Variants in MRTFA observed in about 807,000 individuals in gnomAD.
MRTFA encodes myocardin related transcription factor A.
MRTFA carries 20 observed loss-of-function variants against 83.5 expected under a neutral mutation model. That is an observed-to-expected ratio of 0.24 (90% CI 0.17 to 0.35). The LOEUF (loss-of-function observed/expected upper bound fraction) is 0.35, where lower values mean the gene tolerates loss of function less well. Ranked by LOEUF, MRTFA falls within the 10% of genes least tolerant of loss-of-function variation. The pLI, the probability that MRTFA is intolerant of heterozygous loss-of-function variation, is 1.00. For synonymous variants in MRTFA, 659 were observed against 541.2 expected (o/e 1.22, Z -3.02); for missense variants, 1,200 against 1,224.7 (o/e 0.98, Z 0.30).
At position 40,410,710 on chromosome 22, in the gene MRTFA, GGGTAACCTT is replaced by G. The variant is rs1166264017; in HGVS notation, c.*671_*679del. 1 of 233,298 alleles carries G rather than the reference GGGTAACCTT, an allele frequency of 4.3e-6. No homozygotes were observed. Among genetic ancestry groups the G allele is most frequent in the Admixed American group, 5.6e-5 (1 of 17,766 alleles). The allele number at this position is 233,298 out of a possible 1,614,324, so 14.5% of individuals were successfully genotyped here. A position where few individuals can be genotyped will look rare whatever the true frequency, so the allele number is the denominator to read the frequency against. ...CACCAGACTGTGGCACACAGCTCAA[GGGTAACCTT>G]GCATCCAGGCCCTTCTGTGAGAGTA... is the stretch of plus-strand genomic sequence containing the variant. On this transcript the variant is annotated 3_prime_UTR_variant, in exon 15 of 15. Coordinates refer to ENST00000355630, the MANE Select transcript of MRTFA (RefSeq NM_020831.6).
At chr22:40,429,989 C>A (rs12157868) in intron 6 of MRTFA, among the ~76,000 whole-genome samples, 1 of 152,082 alleles carries the variant, frequency 6.6e-6, no homozygotes, top group East Asian at 1.9e-4. Context: ...ACAATTATAA[C>A]CAGGCAGAGG....
Position 40,419,028 on chromosome 22 carries a change from G to A in MRTFA, c.1710C>T (p.Ser570=). 6.2e-7 allele frequency: 1 copy of A among 1,612,512 alleles called. No homozygotes were observed. Among genetic ancestry groups the A allele is most frequent in the Non-Finnish European group, 8.5e-7 (1 of 1,179,848 alleles). The stretch of plus-strand genomic sequence containing the variant: ...TCTCACCAAAGGTGTCCCCGGGGGT[G>A]GAGTTTTCATCGCCCGTGCTGAGCA... The change falls in exon 12 of 15, where the codon TCC becomes TCT. Residue 570 remains serine, a synonymous_variant. Transcript: ENST00000355630.
intron 14 of MRTFA, chr22:40,412,265 C>T (rs751800381): frequency 4.3e-5 from 7 of 163,860 alleles, no homozygotes; most frequent in Non-Finnish European, 7.9e-5. Flanking sequence ...ATGAGGGAGA[C>T]CACAGTGAGA....
intron 3 of MRTFA, chr22:40,526,176 T>C (rs1361635209): frequency 6.6e-6 from 1 of 150,986 alleles, no homozygotes; most frequent in Non-Finnish European, 1.5e-5. Flanking sequence ...CCATCATGCC[T>C]GGCTAATTTG....
chr22:40,565,906 G>A (rs889169868), intron 2 of MRTFA, among the ~76,000 whole-genome samples: 7 of 152,056 alleles, frequency 4.6e-5, no homozygotes, highest in South Asian at 2.1e-4. Context: ...ACACTAAGAC[G>A]TATATTTACC....
intron 2 of MRTFA, among the ~76,000 whole-genome samples, chr22:40,578,811 T>C (rs2055906387): frequency 6.6e-6 from 1 of 151,992 alleles, no homozygotes; most frequent in South Asian, 2.1e-4. Context: ...TGGTCCCAGC[T>C]ACTAGAGAGG....
chr22:40,618,773 G>A (rs995494280), intron 1 of MRTFA, among the ~76,000 whole-genome samples: 1 of 152,024 alleles, frequency 6.6e-6, no homozygotes. Flanking sequence ...AGACCAGCCT[G>A]GCTAACACAG....
chr22:40,587,338 AG>A, intron 2 of MRTFA: 1 of 433,466 alleles, frequency 2.3e-6, no homozygotes, highest in Non-Finnish European at 4.6e-6. Flanking sequence ...GAATAATTCT[AG>A]GAATGTTTCG....
intron 1 of MRTFA, among the ~76,000 whole-genome samples, chr22:40,613,671 T>C (rs1021197507): frequency 1.3e-5 from 2 of 151,256 alleles, no homozygotes; most frequent in African/African-American, 4.9e-5. Flanking sequence ...CCCTGGGAAA[T>C]ACAGAGAGAC....
At chr22:40,622,848 A>C (rs2056539925) in intron 1 of MRTFA, among the ~76,000 whole-genome samples, 1 of 152,226 alleles carries the variant, frequency 6.6e-6, no homozygotes. Context: ...CAGTCACAGG[A>C]AACTAAACTA....
At chr22:40,578,123 T>C (rs2055894106) in intron 2 of MRTFA, among the ~76,000 whole-genome samples, 1 of 151,902 alleles carries the variant, frequency 6.6e-6, no homozygotes, top group South Asian at 2.1e-4. Flanking sequence ...CTGGCTAATT[T>C]TTGTATTTTT....
At chr22:40,580,739 G>A (rs1416228959) in intron 2 of MRTFA, among the ~76,000 whole-genome samples, 2 of 152,064 alleles carry the variant, frequency 1.3e-5, no homozygotes, top group African/African-American at 2.4e-5. Flanking sequence ...CAATTTTGTA[G>A]CATACATATG....
chr22:40,576,768 T>C (rs977529882), intron 2 of MRTFA, among the ~76,000 whole-genome samples: 1 of 152,170 alleles, frequency 6.6e-6, no homozygotes, highest in Non-Finnish European at 1.5e-5. Context: ...CTAAAGTAGT[T>C]TGTTTTCTGT....
rs547585690 is a variant in MRTFA, at chr22:40,447,135, C to A, written c.308-11581G>T. ...CTTTGGGAGGCCAAGGCAAGCAGATCGCTTGAGGTCAGAAGTTCAAGACCA... is the reference window on the plus strand; with the variant it reads ...CTTTGGGAGGCCAAGGCAAGCAGATAGCTTGAGGTCAGAAGTTCAAGACCA... On this transcript the variant is annotated intron_variant, in intron 4 of 14. Coordinates refer to ENST00000355630, the MANE Select transcript of MRTFA (RefSeq NM_020831.6). Among the ~76,000 whole-genome samples the A allele has an allele frequency of 5.2e-4, 79 of 151,818 alleles. 2 individuals carry two copies. The South Asian group carries it at 0.01, about 20-fold the overall frequency.
intron 1 of MRTFA, among the ~76,000 whole-genome samples, chr22:40,625,205 C>T (rs1444944768): frequency 6.6e-6 from 1 of 151,956 alleles, no homozygotes; most frequent in East Asian, 1.9e-4. Flanking sequence ...GAATAAAAGG[C>T]TCAGTGGCTC....
chr22:40,606,730 C>A (rs771283063), intron 1 of MRTFA, among the ~76,000 whole-genome samples: 8 of 152,178 alleles, frequency 5.3e-5, no homozygotes, highest in Non-Finnish European at 1.0e-4. Context: ...TAGGATTCCT[C>A]TTTGGAGACA....
At position 40,612,883 on chromosome 22, in the gene MRTFA, C is replaced by G. The variant is rs751729668; in HGVS notation, c.-83-18148G>C. On this transcript the variant is annotated intron_variant, in intron 1 of 14. Coordinates refer to ENST00000355630, the MANE Select transcript of MRTFA (RefSeq NM_020831.6). ...GATCACTTGAGCACAGGAGGTCGAG[C>G]CTGCAGTGAGCCATGATCATGCCAC... Among the ~76,000 whole-genome samples, 8 of 152,218 alleles carry G rather than the reference C, an allele frequency of 5.3e-5. No individual in the cohort carries two copies. The South Asian group carries it at 8.3e-4, about 16-fold the overall frequency.
intron 1 of MRTFA, among the ~76,000 whole-genome samples, chr22:40,612,316 G>A (rs903297361): frequency 6.6e-6 from 1 of 152,180 alleles, no homozygotes; most frequent in Non-Finnish European, 1.5e-5. Context: ...GAGAATGAAG[G>A]ATGAACTATC....
chr22:40,496,453 C>T (rs1293462046), intron 3 of MRTFA, among the ~76,000 whole-genome samples: 2 of 147,052 alleles, frequency 1.4e-5, no homozygotes, highest in African/African-American at 5.1e-5. Flanking sequence ...TTATCTGTAT[C>T]TTCTACATTT....
Sources: gnomAD v4.1 joint callset for allele counts (sites outside exome capture counted in the v4.1 genomes callset) on GRCh38, gnomAD v4.1.1 for gene constraint, MANE v1.5 for transcripts, NCBI Gene and HGNC (gene_info 2026-07-23, HGNC 2026-07-21) for gene names.